The following CAMK2B variants were observed in gnomAD, a reference collection of about 807,000 sequenced individuals.
The protein encoded by CAMK2B is calcium/calmodulin dependent protein kinase II beta.
CAMK2B carries 27 observed loss-of-function variants against 93.7 expected under a neutral mutation model. That is an observed-to-expected ratio of 0.29 (90% confidence interval 0.21 to 0.40). The LOEUF is 0.40. CAMK2B is among the 10% of genes least tolerant of loss of function. The pLI, the probability that CAMK2B is intolerant of heterozygous loss-of-function variation, is 1.00. For synonymous variants in CAMK2B, 374 were observed against 358.8 expected (o/e 1.04, Z -0.48); for missense variants, 568 against 895.8 (o/e 0.63, Z 4.67).
rs1793758448 is a variant in CAMK2B at position 44,312,296 on chromosome 7, G to A, written c.65+13061C>T. On this transcript the variant is annotated intron_variant, in intron 1 of 23. Coordinates refer to ENST00000395749, the MANE Select transcript of CAMK2B (RefSeq NM_001220.5). The surrounding 1 kb of genome is among the most constrained non-coding windows in gnomAD (Gnocchi z 4.1). ...GTTCAGCCAGGTGTCAGTGGCGAGA[G>A]GGTGGTGGTGGGAGGGTGGGGCAGA... Among the ~76,000 whole-genome samples the A allele has an allele frequency of 6.6e-6, 1 of 152,232 alleles. No homozygotes were observed. The highest frequency in any genetic ancestry group is 2.1e-4 in the South Asian group (1 of 4,838).
rs572204109 is a variant in CAMK2B, at chr7:44,225,834, C to G, written c.1597+682G>C. The G allele has an allele frequency of 1.6e-6, 2 of 1,289,418 alleles. No homozygotes were observed. The highest frequency in any genetic ancestry group is 3.0e-5 in the African/African-American group (2 of 65,968). The allele number at this position is 1,289,418 out of a possible 1,614,324, so 79.9% of individuals were successfully genotyped here. The stretch of plus-strand genomic sequence containing the variant: ...CTCTAAGAGTATCTCCACACCACCC[C>G]CAGTCTGGTGTCTCCCCACAGGTGG... On this transcript the variant is annotated intron_variant, in intron 20 of 23. Coordinates refer to ENST00000395749, the MANE Select transcript of CAMK2B (RefSeq NM_001220.5). The surrounding 1 kb of genome is among the most constrained non-coding windows in gnomAD (Gnocchi z 5.0).
chr7:44,247,448 G>A (rs1319984930), intron 5 of CAMK2B, among the ~76,000 whole-genome samples: 1 of 152,216 alleles, frequency 6.6e-6, no homozygotes, highest in African/African-American at 2.4e-5. Context: ...ACACAGAAGT[G>A]ACTTTCAAAG....
intron 3 of CAMK2B, among the ~76,000 whole-genome samples, chr7:44,259,858 G>A (rs1454892119): frequency 2.6e-5 from 4 of 152,204 alleles, no homozygotes; most frequent in African/African-American, 9.7e-5. Context: ...CAACACGCTA[G>A]GGCTGTTCTA....
At chr7:44,294,376 T>A (rs994512053) in intron 1 of CAMK2B, among the ~76,000 whole-genome samples, 1 of 151,974 alleles carries the variant, frequency 6.6e-6, no homozygotes, top group Non-Finnish European at 1.5e-5. Context: ...AGACAGTTGG[T>A]CCCCAGGCAC....
At chr7:44,232,598 G>C (rs1007879072) in intron 16 of CAMK2B, among the ~76,000 whole-genome samples, 1 of 152,202 alleles carries the variant, frequency 6.6e-6, no homozygotes, top group Admixed American at 6.5e-5. Flanking sequence ...CATGGGGACC[G>C]GGCGCAACTG....
chr7:44,322,566 A>C (rs1666612317), intron 1 of CAMK2B, among the ~76,000 whole-genome samples: 1 of 152,222 alleles, frequency 6.6e-6, no homozygotes, highest in African/African-American at 2.4e-5. Context: ...TGCCGGGCTG[A>C]GGGCTTCCTT....
At chr7:44,321,814 C>G (rs908894147) in intron 1 of CAMK2B, among the ~76,000 whole-genome samples, 2 of 152,202 alleles carry the variant, frequency 1.3e-5, no homozygotes, top group African/African-American at 4.8e-5. Flanking sequence ...AACAAACGGT[C>G]GACACTGACA....
intron 2 of CAMK2B, among the ~76,000 whole-genome samples, chr7:44,277,919 C>T (rs560194715): frequency 3.3e-4 from 51 of 152,352 alleles, no homozygotes; most frequent in African/African-American, 1.1e-3. Context: ...TGCCCCACCA[C>T]GATGGGAAGG....
At chr7:44,227,968 CAG>C (rs763078412) in intron 19 of CAMK2B, among the ~76,000 whole-genome samples, 1 of 93,026 alleles carries the variant, frequency 1.1e-5, no homozygotes, top group Non-Finnish European at 2.3e-5. Context: ...CGGAGGGAGA[CAG>C]GGGGACAGAG....
intron 1 of CAMK2B, among the ~76,000 whole-genome samples, chr7:44,304,532 A>G (rs547058458): frequency 4.3e-4 from 65 of 152,346 alleles, no homozygotes; most frequent in African/African-American, 1.2e-3. Flanking sequence ...TGTGAGTCCA[A>G]TGGTATGACA....
At position 44,239,569 on chromosome 7, in the gene CAMK2B, G is replaced by T; in HGVS notation, c.1021+20C>A. On this transcript the variant is annotated intron_variant, in intron 13 of 23. Transcript: ENST00000395749. ...AGGGACGGGCGGGAGCGGGCGGGACGCTGGTCGAGACACATCTACCTTGTT... is the reference window on the plus strand; with the variant it reads ...AGGGACGGGCGGGAGCGGGCGGGACTCTGGTCGAGACACATCTACCTTGTT... The T allele has an allele frequency of 1.9e-6, 3 of 1,542,022 alleles. No individual in the cohort carries two copies. The highest frequency in any genetic ancestry group is 2.6e-6 in the Non-Finnish European group (3 of 1,141,738).
At chr7:44,254,492 T>G in intron 5 of CAMK2B, 50 bp downstream of exon 5, 4 of 1,344,002 alleles carry the variant, frequency 3.0e-6, no homozygotes, top group Non-Finnish European at 4.3e-6. Context: ...GGAGGGATGG[T>G]GAGGGTATAA....
Position 44,234,511 on chromosome 7 carries a change from G to A in CAMK2B, c.1060-50C>T, listed in dbSNP as rs565843278. 7.7e-5 allele frequency: 121 copies of A among 1,573,550 alleles called. No homozygotes were observed. The South Asian group carries it at 1.1e-3, about 15-fold the overall frequency. On this transcript the variant is annotated intron_variant, in intron 14 of 23. Coordinates refer to ENST00000395749, the MANE Select transcript of CAMK2B (RefSeq NM_001220.5). ...CTTAGGTGGGAGAAGCCCCTCACTC[G>A]CCATTCCCTGTCCCGTGTCTCTCAG...
intron 1 of CAMK2B, among the ~76,000 whole-genome samples, chr7:44,308,670 A>G (rs1039450720): frequency 4.6e-5 from 7 of 152,192 alleles, no homozygotes; most frequent in African/African-American, 7.2e-5. Flanking sequence ...TTACAGAGAG[A>G]GGGAGGTGCG....
chr7:44,246,517 C>T (rs188883341), intron 6 of CAMK2B, among the ~76,000 whole-genome samples: 173 of 152,130 alleles, frequency 1.1e-3, no homozygotes, highest in Non-Finnish European at 2.1e-3. Flanking sequence ...ATGAACATGC[C>T]CACACATGTA....
Position 44,224,791 on chromosome 7 carries a change from C to T in CAMK2B, c.1597+1725G>A, listed in dbSNP as rs561206852. ...GGAGGAGACGGGGCCTGAGGCGGGC[C>T]GTGGGCACCTGCCCTATTTACACAG... On this transcript the variant is annotated intron_variant, in intron 20 of 23. Transcript: ENST00000395749. The surrounding 1 kb of genome is among the most constrained non-coding windows in gnomAD (Gnocchi z 4.4). 6.6e-5 allele frequency among the ~76,000 whole-genome samples: 10 copies of T among 151,994 alleles called. No individual in the cohort carries two copies. The highest frequency in any genetic ancestry group is 3.3e-4 in the Admixed American group (5 of 15,294).
chr7:44,283,172 C>T (rs1485237953), intron 2 of CAMK2B, among the ~76,000 whole-genome samples: 1 of 152,252 alleles, frequency 6.6e-6, no homozygotes, highest in African/African-American at 2.4e-5. Flanking sequence ...TCCCTCCCCA[C>T]CACCTCCTCA....
intron 1 of CAMK2B, among the ~76,000 whole-genome samples, chr7:44,306,658 G>A (rs1166555577): frequency 6.6e-6 from 1 of 152,220 alleles, no homozygotes; most frequent in Non-Finnish European, 1.5e-5. Flanking sequence ...GGATTATGCA[G>A]ATAATGCACA....
upstream of CAMK2B, chr7:44,325,745 C>G (rs1422329864): frequency 6.8e-6 from 1 of 147,240 alleles, no homozygotes; most frequent in Non-Finnish European, 1.5e-5. Context: ...CCTGCACCCG[C>G]ACCCGCAGGG....
Sources: allele counts gnomAD v4.1 joint callset (sites outside exome capture counted in the v4.1 genomes callset), GRCh38; gene constraint gnomAD v4.1.1; non-coding constraint Gnocchi (gnomAD v3.1); transcripts MANE v1.5; gene names NCBI Gene and HGNC (gene_info 2026-07-23, HGNC 2026-07-21).